Variants in ZNF385D observed in about 807,000 individuals in gnomAD.
The protein encoded by ZNF385D is zinc finger protein 385D, also known as zinc finger protein 659.
A neutral mutation model predicts 35.8 loss-of-function variants in ZNF385D; 15 were observed. The ratio of observed to expected loss-of-function variants is 0.42; its 90% CI spans 0.28 to 0.64. The LOEUF (loss-of-function observed/expected upper bound fraction) is 0.64. ZNF385D is among the 30% of genes least tolerant of loss of function. The pLI, the probability that ZNF385D is intolerant of heterozygous loss-of-function variation, is 0.23. For synonymous variants in ZNF385D, 212 were observed against 186.8 expected (o/e 1.13, Z -1.10); for missense variants, 474 against 494.6 (o/e 0.96, Z 0.39).
chr3:21,777,877 T>G (rs940698101), intron 3 of ZNF385D: 1 of 151,780 alleles, frequency 6.6e-6, no homozygotes, highest in African/African-American at 2.4e-5. Flanking sequence ...AAGAGAGACA[T>G]GTGGAACAGA....
intron 3 of ZNF385D, among the ~76,000 whole-genome samples, chr3:22,081,097 C>T (rs1373005145): frequency 1.3e-5 from 2 of 152,174 alleles, no homozygotes; most frequent in African/African-American, 4.8e-5. Flanking sequence ...AGGTCAACAA[C>T]CATATCTTAC....
chr3:21,537,151 G>A (rs2062054711), intron 3 of ZNF385D, among the ~76,000 whole-genome samples: 1 of 56,634 alleles, frequency 1.8e-5, no homozygotes, highest in Non-Finnish European at 3.6e-5. Context: ...TTTTTTTTAT[G>A]AGATGGAGTC....
chr3:21,827,337 C>T (rs1277251133), intron 3 of ZNF385D, among the ~76,000 whole-genome samples: 1 of 152,092 alleles, frequency 6.6e-6, no homozygotes, highest in Non-Finnish European at 1.5e-5. Context: ...TAAACACATA[C>T]ACACATATAC....
At chr3:21,672,057 G>A (rs1559506703) in intron 1 of ZNF385D, among the ~76,000 whole-genome samples, 1 of 152,074 alleles carries the variant, frequency 6.6e-6, no homozygotes, top group Non-Finnish European at 1.5e-5. Flanking sequence ...ATAACAATGA[G>A]CAATTTTCCT....
intron 3 of ZNF385D, among the ~76,000 whole-genome samples, chr3:22,012,002 C>G (rs1696604193): frequency 6.6e-6 from 1 of 152,070 alleles, no homozygotes; most frequent in African/African-American, 2.4e-5. Flanking sequence ...TTTCTAGATC[C>G]ACATAACATA....
intron 2 of ZNF385D, among the ~76,000 whole-genome samples, chr3:22,322,148 G>C (rs1694468333): frequency 6.6e-6 from 1 of 151,820 alleles, no homozygotes; most frequent in Admixed American, 6.6e-5. Context: ...CATATTTCTA[G>C]GCAATATATC....
chr3:22,211,940 G>A (rs1697550405), intron 2 of ZNF385D, among the ~76,000 whole-genome samples: 1 of 152,014 alleles, frequency 6.6e-6, no homozygotes. Flanking sequence ...CCTAAGCAAT[G>A]TGTTCCATCC....
At chr3:22,326,820 A>G (rs1443770678) in intron 2 of ZNF385D, among the ~76,000 whole-genome samples, 1 of 152,234 alleles carries the variant, frequency 6.6e-6, no homozygotes, top group African/African-American at 2.4e-5. Context: ...GATACCGAAC[A>G]TTACCAAAGC....
chr3:21,918,242 G>A (rs1178151079), intron 3 of ZNF385D, among the ~76,000 whole-genome samples: 1 of 152,204 alleles, frequency 6.6e-6, no homozygotes, highest in Admixed American at 6.5e-5. Flanking sequence ...GACAGTGGAT[G>A]AGTCTTAGGG....
rs1293888403 is a variant in ZNF385D, at chr3:21,915,063, G to C, written c.326-250035C>G. On this transcript the variant is annotated intron_variant, in intron 3 of 5. Coordinates refer to the ZNF385D transcript ENST00000494108. Reference sequence around the variant, plus strand: ...GTAAAAATTATTTTAAGAATGAGTAGAAATAGAAAAAAAAAAGAGTTGGAT... The same window carrying C: ...GTAAAAATTATTTTAAGAATGAGTACAAATAGAAAAAAAAAAGAGTTGGAT... 1.2e-4 allele frequency among the ~76,000 whole-genome samples: 4 copies of C among 32,362 alleles called. No individual in the cohort carries two copies. In the Admixed American group the frequency reaches 1.6e-3, roughly 13 times the overall value. 21.2% of individuals were successfully genotyped at this position (32,362 alleles called of 152,430 possible). A position where few individuals can be genotyped will look rare whatever the true frequency, so the allele number is the denominator to read the frequency against.
intron 3 of ZNF385D, among the ~76,000 whole-genome samples, chr3:21,966,201 G>A (rs184921037): frequency 7.1e-4 from 108 of 152,228 alleles, no homozygotes; most frequent in African/African-American, 2.5e-3. Flanking sequence ...TTATAGTATA[G>A]GACTTTAGGT....
chr3:22,139,752 A>T (rs547086109), intron 3 of ZNF385D, among the ~76,000 whole-genome samples: 3 of 151,936 alleles, frequency 2.0e-5, no homozygotes, highest in African/African-American at 7.3e-5. Context: ...GTACCCTAAA[A>T]CTTAAAGTAT....
intron 2 of ZNF385D, among the ~76,000 whole-genome samples, chr3:22,340,872 C>A (rs1396582179): frequency 6.6e-6 from 1 of 152,206 alleles, no homozygotes; most frequent in African/African-American, 2.4e-5. Context: ...GCTTCAATTT[C>A]TATCGACTAT....
At chr3:21,779,206 G>A (rs1373228170) in intron 3 of ZNF385D, among the ~76,000 whole-genome samples, 1 of 151,826 alleles carries the variant, frequency 6.6e-6, no homozygotes, top group African/African-American at 2.4e-5. Flanking sequence ...TAAGACCACT[G>A]GGCATTTCAG....
intron 1 of ZNF385D, among the ~76,000 whole-genome samples, chr3:21,698,440 C>G (rs1025365807): frequency 1.3e-5 from 2 of 151,976 alleles, no homozygotes; most frequent in East Asian, 3.9e-4. Context: ...ATAATAGACC[C>G]TGGGGACTCC....
intron 3 of ZNF385D, chr3:22,133,559 A>G (rs975216954): frequency 1.3e-5 from 2 of 152,142 alleles, no homozygotes; most frequent in Admixed American, 1.3e-4. Context: ...GTTTGAGGCA[A>G]GATCAAGTAA....
chr3:21,872,048 TTTC>T (rs1559710277), intron 3 of ZNF385D, among the ~76,000 whole-genome samples: 2 of 152,234 alleles, frequency 1.3e-5, no homozygotes, highest in African/African-American at 2.4e-5. Flanking sequence ...AAAAAAAGAT[TTTC>T]TTGTTTAATA....
chr3:21,875,190 C>G (rs1186894103), intron 3 of ZNF385D, among the ~76,000 whole-genome samples: 1 of 152,062 alleles, frequency 6.6e-6, no homozygotes, highest in African/African-American at 2.4e-5. Flanking sequence ...ACCATGTCAT[C>G]TAGAAACAGA....
intron 2 of ZNF385D, among the ~76,000 whole-genome samples, chr3:22,200,137 A>G (rs906960952): frequency 6.6e-6 from 1 of 152,158 alleles, no homozygotes; most frequent in African/African-American, 2.4e-5. Context: ...ACAGGGCCAT[A>G]GGATAATTTA....
Sources: allele counts gnomAD v4.1 joint callset (sites outside exome capture counted in the v4.1 genomes callset), GRCh38; gene constraint gnomAD v4.1.1; transcripts MANE v1.5; gene names NCBI Gene and HGNC (gene_info 2026-07-23, HGNC 2026-07-21).